Variants in CCSER1 observed in about 807,000 individuals in gnomAD.
CCSER1 encodes the protein coiled-coil serine rich protein 1.
Under a neutral mutation model 82.0 loss-of-function variants are expected in CCSER1, and 41 were observed. The observed-to-expected ratio is 0.50, with a 90% CI of 0.39 to 0.65. The LOEUF (loss-of-function observed/expected upper bound fraction) is 0.65. Ranked by LOEUF, CCSER1 falls within the 30% of genes least tolerant of loss-of-function variation. The pLI is 0.00. For missense variants in CCSER1, 1,119 were observed against 1,064.2 expected (o/e 1.05, Z -0.72); for synonymous variants, 414 against 383.9 (o/e 1.08, Z -0.92).
intron 10 of CCSER1, among the ~76,000 whole-genome samples, chr4:91,304,873 A>T (rs1269966428): frequency 6.6e-6 from 1 of 152,060 alleles, no homozygotes; most frequent in African/African-American, 2.4e-5. Context: ...TCTAGAACTA[A>T]TACTAAAGTA....
chr4:90,260,638 A>G (rs550721595), intron 1 of CCSER1, among the ~76,000 whole-genome samples: 1 of 152,140 alleles, frequency 6.6e-6, no homozygotes, highest in Non-Finnish European at 1.5e-5. Flanking sequence ...CCTTGAGTTT[A>G]TGTGAATGCT....
intron 8 of CCSER1, among the ~76,000 whole-genome samples, chr4:90,852,092 A>G (rs576622147): frequency 6.6e-6 from 1 of 150,630 alleles, no homozygotes; most frequent in African/African-American, 2.4e-5. Flanking sequence ...AGCATTAGCA[A>G]GTACATAATA....
intron 6 of CCSER1, among the ~76,000 whole-genome samples, chr4:90,656,431 T>A (rs1346976397): frequency 6.6e-6 from 1 of 151,836 alleles, no homozygotes; most frequent in Non-Finnish European, 1.5e-5. Context: ...AATATTCTGG[T>A]GTTAATCCTA....
intron 10 of CCSER1, among the ~76,000 whole-genome samples, chr4:91,574,699 A>G (rs1763354432): frequency 6.6e-6 from 1 of 152,110 alleles, no homozygotes; most frequent in African/African-American, 2.4e-5. Flanking sequence ...CATCATGGGC[A>G]TAAAAATGAC....
Position 91,221,607 on chromosome 4 carries a change from TAAC to T in CCSER1, c.2217+135614_2217+135616del, listed in dbSNP as rs527971648. On this transcript the variant is annotated intron_variant, in intron 10 of 10. Transcript: ENST00000509176. ...TGCTTATCTGTTAATAAAATTATAATAACTTCATCAGGTCAAACACATATAGTT... is the reference window on the plus strand; with the variant it reads ...TGCTTATCTGTTAATAAAATTATAATTTCATCAGGTCAAACACATATAGTT... Among the ~76,000 whole-genome samples, 89 of 152,312 alleles carry T rather than the reference TAAC, an allele frequency of 5.8e-4. 1 individual carries two copies. The Middle Eastern group carries it at 0.02, about 35-fold the overall frequency.
intron 4 of CCSER1, among the ~76,000 whole-genome samples, chr4:90,419,938 T>G (rs1756426365): frequency 6.6e-6 from 1 of 151,942 alleles, no homozygotes; most frequent in Admixed American, 6.6e-5. Flanking sequence ...TTATATGTTT[T>G]TTATGTTTTT....
At chr4:91,079,900 C>T (rs900566291) in intron 9 of CCSER1, among the ~76,000 whole-genome samples, 2 of 152,138 alleles carry the variant, frequency 1.3e-5, no homozygotes, top group African/African-American at 4.8e-5. Flanking sequence ...AATACAGGAG[C>T]ACCCAGATTC....
intron 10 of CCSER1, among the ~76,000 whole-genome samples, chr4:91,104,965 T>C (rs1725458026): frequency 6.6e-6 from 1 of 152,188 alleles, no homozygotes; most frequent in Non-Finnish European, 1.5e-5. Flanking sequence ...GATTGTGTGG[T>C]GGTGAAGTCA....
At chr4:90,876,719 T>C (rs1214192739) in intron 8 of CCSER1, among the ~76,000 whole-genome samples, 2 of 152,092 alleles carry the variant, frequency 1.3e-5, no homozygotes, top group African/African-American at 2.4e-5. Flanking sequence ...CCATTGCCTG[T>C]GTGTGTGAGT....
At chr4:90,336,572 A>G (rs1051561911) in intron 3 of CCSER1, among the ~76,000 whole-genome samples, 1 of 152,200 alleles carries the variant, frequency 6.6e-6, no homozygotes, top group African/African-American at 2.4e-5. Flanking sequence ...AAAACATTTA[A>G]TAAATTTATG....
chr4:90,801,224 T>A (rs765088567), intron 7 of CCSER1, among the ~76,000 whole-genome samples: 1 of 152,184 alleles, frequency 6.6e-6, no homozygotes, highest in Non-Finnish European at 1.5e-5. Context: ...AACACTTTCT[T>A]GGTATTATGA....
At chr4:90,247,149 A>T (rs1721558937) in intron 1 of CCSER1, among the ~76,000 whole-genome samples, 1 of 152,212 alleles carries the variant, frequency 6.6e-6, no homozygotes, top group Non-Finnish European at 1.5e-5. Flanking sequence ...TCAGAATGGC[A>T]TATAATTTAA....
intron 8 of CCSER1, among the ~76,000 whole-genome samples, chr4:90,843,667 G>C (rs1264908968): frequency 6.6e-6 from 1 of 152,048 alleles, no homozygotes; most frequent in Non-Finnish European, 1.5e-5. Flanking sequence ...TTCAACTTTT[G>C]CTGGATTTTC....
intron 7 of CCSER1, among the ~76,000 whole-genome samples, chr4:90,738,403 A>T (rs1200615653): frequency 6.6e-6 from 1 of 152,108 alleles, no homozygotes; most frequent in Non-Finnish European, 1.5e-5. Context: ...GGCTAGGGTC[A>T]GGCGAATTTT....
chr4:90,175,093 T>C (rs896808936), intron 1 of CCSER1, among the ~76,000 whole-genome samples: 18 of 151,948 alleles, frequency 1.2e-4, no homozygotes, highest in Non-Finnish European at 2.2e-4. Context: ...AGCCAGAAAC[T>C]GGTAACAAAC....
At chr4:91,371,430 A>G (rs1377063094) in intron 10 of CCSER1, among the ~76,000 whole-genome samples, 1 of 151,586 alleles carries the variant, frequency 6.6e-6, no homozygotes. Flanking sequence ...CTTTTTTTCT[A>G]TTTTTCATGT....
At chr4:90,276,659 T>C (rs1030481790) in intron 1 of CCSER1, among the ~76,000 whole-genome samples, 18 of 152,062 alleles carry the variant, frequency 1.2e-4, no homozygotes, top group Admixed American at 3.9e-4. Context: ...AGTTTTCTAA[T>C]GCATAATGCA....
At chr4:90,658,970 A>G in intron 6 of CCSER1, among the ~76,000 whole-genome samples, 1 of 152,002 alleles carries the variant, frequency 6.6e-6, no homozygotes, top group East Asian at 1.9e-4. Flanking sequence ...CACACATGTG[A>G]TATTTTCTTC....
At chr4:90,316,234 A>G (rs1736137504) in intron 3 of CCSER1, among the ~76,000 whole-genome samples, 1 of 152,210 alleles carries the variant, frequency 6.6e-6, no homozygotes, top group Non-Finnish European at 1.5e-5. Flanking sequence ...CTAAAATGAC[A>G]TAGCTCATAA....
Sources: gnomAD v4.1 joint callset for allele counts (sites outside exome capture counted in the v4.1 genomes callset) on GRCh38, gnomAD v4.1.1 for gene constraint, MANE v1.5 for transcripts, NCBI Gene and HGNC (gene_info 2026-07-23, HGNC 2026-07-21) for gene names.